The following RPRD1B variants were observed in gnomAD, a reference collection of about 807,000 sequenced individuals.
RPRD1B encodes the protein regulation of nuclear pre-mRNA domain containing 1B, also known as regulation of nuclear pre-mRNA domain-containing protein 1B.
RPRD1B carries 11 observed loss-of-function variants against 41.5 expected under a neutral mutation model. The observed-to-expected ratio is 0.27, with a 90% CI of 0.17 to 0.44. RPRD1B has a LOEUF of 0.44. Ranked by LOEUF, RPRD1B falls within the 20% of genes least tolerant of loss-of-function variation. The pLI, the probability that RPRD1B is intolerant of heterozygous loss-of-function variation, is 1.00. For missense variants in RPRD1B, 248 were observed against 389.9 expected, an observed-to-expected ratio of 0.64 and a Z score of 3.06; for synonymous variants, 158 against 155.6, an observed-to-expected ratio of 1.02 and a Z score of -0.12.
chr20:38,073,679 G>T (rs2074432503), intron 6 of RPRD1B, among the ~76,000 whole-genome samples: 1 of 152,162 alleles, frequency 6.6e-6, no homozygotes, highest in Non-Finnish European at 1.5e-5. Flanking sequence ...GTCAACTTTG[G>T]AGTAAATTCG....
rs141270938 is a variant in RPRD1B at position 38,040,442 on chromosome 20, A to G, written c.159A>G (p.Ser53=). ...TTCTTTTCTTTTTTTCAGCCAAATC[A>G]AATAGAAAGCTTACTTTTCTGTATT... ...VWHRELRKAK[S]NRKLTFLYLA... is the part of the protein sequence containing the mutation. Residue 53 remains serine (S), a synonymous_variant, in exon 2 of 7, where the codon TCA becomes TCG. Coordinates refer to ENST00000373433, the MANE Select transcript of RPRD1B (RefSeq NM_021215.4). 1.6e-4 allele frequency: 251 copies of G among 1,581,112 alleles called. 1 individual carries two copies. In the African/African-American group the frequency reaches 3.2e-3, roughly 20 times the overall value.
At chr20:38,074,031 C>T (rs2074436559) in intron 6 of RPRD1B, among the ~76,000 whole-genome samples, 1 of 152,222 alleles carries the variant, frequency 6.6e-6, no homozygotes, top group Admixed American at 6.5e-5. Context: ...TAAAACAGGT[C>T]ATTCTGTTGC....
chr20:38,087,038 C>G (rs1427993921), intron 6 of RPRD1B, among the ~76,000 whole-genome samples: 1 of 151,838 alleles, frequency 6.6e-6, no homozygotes, highest in African/African-American at 2.4e-5. Context: ...CTCACCACAA[C>G]CTCTGCCCCG....
intron 3 of RPRD1B, 140 bp from the exon 4 acceptor site, chr20:38,057,392 T>C: frequency 1.7e-6 from 1 of 576,884 alleles, no homozygotes; most frequent in Non-Finnish European, 3.2e-6. Flanking sequence ...TTAAAATAAC[T>C]AGCATAAAGG....
At chr20:38,038,361 T>C (rs2074024698) in intron 1 of RPRD1B, among the ~76,000 whole-genome samples, 1 of 149,936 alleles carries the variant, frequency 6.7e-6, no homozygotes, top group African/African-American at 2.5e-5. Context: ...CAGGTGGGAG[T>C]GCAGTTGGCG....
At chr20:38,068,575 T>C (rs1466256057) in intron 6 of RPRD1B, among the ~76,000 whole-genome samples, 2 of 152,130 alleles carry the variant, frequency 1.3e-5, no homozygotes, top group Non-Finnish European at 2.9e-5. Context: ...ATTTTTTTTG[T>C]TTTTAGCAGA....
At chr20:38,041,956 A>C (rs745508603) in intron 2 of RPRD1B, among the ~76,000 whole-genome samples, 8 of 152,206 alleles carry the variant, frequency 5.3e-5, no homozygotes, top group Non-Finnish European at 1.2e-4. Context: ...AAGGAATACC[A>C]TTTATATAGC....
rs1178331411 is a variant in RPRD1B, at chr20:38,059,519, A to G, written c.654A>G (p.Thr218=). 6.2e-7 allele frequency: 1 copy of G among 1,613,654 alleles called. No individual in the cohort carries two copies. The highest frequency in any genetic ancestry group is 1.7e-5 in the Admixed American group (1 of 59,996). Reference sequence around the variant, plus strand: ...ATGTTTCTCTATTGGAAAAAATAACAGGTGAGAAGGTAGAGTTTGGGTGAA... The same window carrying G: ...ATGTTTCTCTATTGGAAAAAATAACGGGTGAGAAGGTAGAGTTTGGGTGAA... ...VQDVSLLEKI[T]DKEAAERLSK... Residue 218 remains threonine (T), a splice_region_variant and synonymous_variant, in exon 5 of 7, where the codon ACA becomes ACG. Coordinates refer to ENST00000373433, the MANE Select transcript of RPRD1B (RefSeq NM_021215.4).
intron 6 of RPRD1B, among the ~76,000 whole-genome samples, chr20:38,081,212 C>CCTATCCATGAGCATAGAAGTTTTT (rs2074509804): frequency 6.6e-6 from 1 of 152,118 alleles, no homozygotes; most frequent in African/African-American, 2.4e-5. Context: ...AGAAGTTTTT[C>CCTATCCATGAGCATAGAAGTTTTT]CATTTGTTTA....
At chr20:38,053,942 A>G (rs1430533291) in intron 3 of RPRD1B, among the ~76,000 whole-genome samples, 1 of 152,132 alleles carries the variant, frequency 6.6e-6, no homozygotes, top group Non-Finnish European at 1.5e-5. Flanking sequence ...AGATTTTGAT[A>G]TCCGTAGCGG....
At chr20:38,085,036 T>C (rs1261236751) in intron 6 of RPRD1B, among the ~76,000 whole-genome samples, 2 of 152,164 alleles carry the variant, frequency 1.3e-5, no homozygotes, top group Non-Finnish European at 2.9e-5. Flanking sequence ...TGCCGCTGAA[T>C]GGAAGGCCCA....
chr20:38,069,229 G>T (rs2074387854), intron 6 of RPRD1B, among the ~76,000 whole-genome samples: 1 of 152,140 alleles, frequency 6.6e-6, no homozygotes, highest in Non-Finnish European at 1.5e-5. Flanking sequence ...CAGAGCCTAG[G>T]ATGTAGGAGA....
At chr20:38,080,210 CTTTAG>C (rs2074500500) in intron 6 of RPRD1B, among the ~76,000 whole-genome samples, 1 of 152,136 alleles carries the variant, frequency 6.6e-6, no homozygotes, top group South Asian at 2.1e-4. Context: ...TGTAGAAGCT[CTTTAG>C]TTTAATTAGA....
chr20:38,060,885 T>G (rs1280536875), intron 5 of RPRD1B, among the ~76,000 whole-genome samples: 3 of 152,180 alleles, frequency 2.0e-5, no homozygotes, highest in Non-Finnish European at 4.4e-5. Context: ...ACCCATTTTC[T>G]TCTCTTTCTC....
chr20:38,062,598 T>C (rs927846401), intron 5 of RPRD1B, among the ~76,000 whole-genome samples: 3 of 152,112 alleles, frequency 2.0e-5, no homozygotes, highest in Admixed American at 6.6e-5. Flanking sequence ...GCATCTGATA[T>C]CCTGTCACCG....
At chr20:38,048,315 G>A in intron 2 of RPRD1B, 33 bp from the exon 3 acceptor site, 2 of 1,587,394 alleles carry the variant, frequency 1.3e-6, no homozygotes, top group Non-Finnish European at 8.6e-7. Flanking sequence ...AAAATCTTAA[G>A]CTTATATATA....
At chr20:38,047,553 T>A (rs1456129224) in intron 2 of RPRD1B, among the ~76,000 whole-genome samples, 1 of 152,148 alleles carries the variant, frequency 6.6e-6, no homozygotes, top group East Asian at 1.9e-4. Context: ...ATGGTAACAG[T>A]GCATGGTGAC....
chr20:38,083,390 T>C (rs1406746344), intron 6 of RPRD1B, among the ~76,000 whole-genome samples: 1 of 152,242 alleles, frequency 6.6e-6, no homozygotes, highest in African/African-American at 2.4e-5. Context: ...GCTTTATGAT[T>C]ATATTAAGGC....
chr20:38,066,024 A>C (rs1369853364), intron 5 of RPRD1B, 57 bp from the exon 6 acceptor site: 3 of 1,551,160 alleles, frequency 1.9e-6, no homozygotes, highest in East Asian at 4.5e-5. Context: ...AAATGTTTGT[A>C]GTCATACCTG....
Sources: gnomAD v4.1 joint callset for allele counts (sites outside exome capture counted in the v4.1 genomes callset) on GRCh38, gnomAD v4.1.1 for gene constraint, MANE v1.5 for transcripts, NCBI Gene and HGNC (gene_info 2026-07-23, HGNC 2026-07-21) for gene names.